Variants in SCRG1 observed in about 807,000 individuals in gnomAD.
SCRG1 encodes stimulator of chondrogenesis 1, also known as scrapie-responsive protein 1.
In SCRG1, 3 loss-of-function variants were observed where a neutral mutation model predicts 7.7. The ratio of observed to expected loss-of-function variants is 0.39; its 90% CI spans 0.18 to 1.01. SCRG1 has a LOEUF of 1.01. SCRG1 is among the 50% of genes least tolerant of loss of function. The pLI, the probability that SCRG1 is intolerant of heterozygous loss-of-function variation, is 0.36. For synonymous variants in SCRG1, 46 were observed against 41.2 expected, an observed-to-expected ratio of 1.12 and a Z score of -0.44; for missense variants, 110 against 117.2, an observed-to-expected ratio of 0.94 and a Z score of 0.28.
At chr4:173,397,492 T>C (rs1297507981) in intron 1 of SCRG1, among the ~76,000 whole-genome samples, 1 of 152,228 alleles carries the variant, frequency 6.6e-6, no homozygotes, top group African/African-American at 2.4e-5. Flanking sequence ...TTAACATTGT[T>C]CCAAATGTTG....
At chr4:173,508,761 A>C in the SCRG1 span, among the ~76,000 whole-genome samples, 2 of 151,948 alleles carry the variant, frequency 1.3e-5, no homozygotes, top group African/African-American at 4.8e-5. The surrounding 1 kb of genome is among the most constrained non-coding windows in gnomAD (Gnocchi z 4.4). Context: ...ACTTGAAGGC[A>C]CTCTGCGGCC....
At chr4:173,482,049 C>A in the SCRG1 span, among the ~76,000 whole-genome samples, 1 of 151,958 alleles carries the variant, frequency 6.6e-6, no homozygotes, top group Non-Finnish European at 1.5e-5. Context: ...TTACTGTATA[C>A]ATTTGACTTA....
the SCRG1 span, among the ~76,000 whole-genome samples, chr4:173,436,207 G>T: frequency 6.6e-6 from 1 of 152,282 alleles, no homozygotes; most frequent in South Asian, 2.1e-4. Context: ...ATTTGATCAG[G>T]AAATCCACCA....
chr4:173,458,326 A>G, the SCRG1 span, among the ~76,000 whole-genome samples: 2 of 152,242 alleles, frequency 1.3e-5, no homozygotes, highest in African/African-American at 4.8e-5. Flanking sequence ...ACAGAAATAT[A>G]ATGCAAGTTA....
chr4:173,512,992 G>A, the SCRG1 span, among the ~76,000 whole-genome samples: 2 of 152,198 alleles, frequency 1.3e-5, no homozygotes, highest in Non-Finnish European at 2.9e-5. Flanking sequence ...TGATAAATGT[G>A]TATTTCCCAA....
the SCRG1 span, among the ~76,000 whole-genome samples, chr4:173,511,528 ATAAC>A: frequency 3.0e-4 from 45 of 152,188 alleles, no homozygotes; most frequent in Admixed American, 9.8e-4. This position sits in a 1 kb window ranked among gnomAD's most constrained non-coding sequence, Gnocchi z 5.2. Flanking sequence ...GTCCCTGGAA[ATAAC>A]TAACTAAGGA....
chr4:173,510,711 C>T, the SCRG1 span, among the ~76,000 whole-genome samples: 17 of 152,200 alleles, frequency 1.1e-4, no homozygotes, highest in African/African-American at 4.1e-4. The surrounding 1 kb of genome is among the most constrained non-coding windows in gnomAD (Gnocchi z 5.7). Flanking sequence ...TGACGTAGCG[C>T]GCCAAAACCA....
the SCRG1 span, among the ~76,000 whole-genome samples, chr4:173,466,282 T>C: frequency 6.6e-6 from 1 of 152,192 alleles, no homozygotes; most frequent in Non-Finnish European, 1.5e-5. Context: ...AATCATGATA[T>C]ATTTTCTTGC....
At chr4:173,483,933 T>G in the SCRG1 span, among the ~76,000 whole-genome samples, 4 of 95,844 alleles carry the variant, frequency 4.2e-5, no homozygotes, top group Non-Finnish European at 7.3e-5. Context: ...ATATTTCATA[T>G]ATAATATAAA....
chr4:173,417,500 C>T, the SCRG1 span, among the ~76,000 whole-genome samples: 1 of 152,206 alleles, frequency 6.6e-6, no homozygotes, highest in African/African-American at 2.4e-5. Context: ...CTAGCATTTA[C>T]TGATCCTTTA....
At chr4:173,405,482 T>C (rs1739876614) in intron 1 of SCRG1, among the ~76,000 whole-genome samples, 1 of 152,212 alleles carries the variant, frequency 6.6e-6, no homozygotes, top group Non-Finnish European at 1.5e-5. Context: ...GAAGTCCCTA[T>C]GCATGGTCCA....
At chr4:173,487,396 A>T in the SCRG1 span, among the ~76,000 whole-genome samples, 10 of 152,332 alleles carry the variant, frequency 6.6e-5, no homozygotes, top group South Asian at 2.1e-3. Flanking sequence ...TAATCTCAAC[A>T]CAGCTCTAAC....
the SCRG1 span, among the ~76,000 whole-genome samples, chr4:173,490,237 A>C: frequency 6.6e-6 from 1 of 152,214 alleles, no homozygotes; most frequent in South Asian, 2.1e-4. Flanking sequence ...TTTCTTTGAC[A>C]TTATGGCTTA....
At chr4:173,485,870 T>C in the SCRG1 span, among the ~76,000 whole-genome samples, 1 of 152,130 alleles carries the variant, frequency 6.6e-6, no homozygotes, top group Non-Finnish European at 1.5e-5. Context: ...CTCGCGAGGC[T>C]GAGGCATGAG....
At chr4:173,484,464 A>C in the SCRG1 span, among the ~76,000 whole-genome samples, 5 of 47,528 alleles carry the variant, frequency 1.1e-4, 1 homozygote, top group African/African-American at 3.6e-4. Flanking sequence ...TATTATATAC[A>C]TATAATATAT....
At chr4:173,409,291 C>T (rs1351513696), upstream of SCRG1, among the ~76,000 whole-genome samples, 1 of 152,128 alleles carries the variant, frequency 6.6e-6, no homozygotes, top group East Asian at 1.9e-4. Context: ...TCCCTCTTAA[C>T]ATTATAACAG....
the SCRG1 span, among the ~76,000 whole-genome samples, chr4:173,413,877 T>C: frequency 6.6e-6 from 1 of 152,170 alleles, no homozygotes; most frequent in Admixed American, 6.5e-5. Flanking sequence ...TTCTCCAATA[T>C]CTGGATGCTG....
Position 173,387,704 on chromosome 4 carries a change from C to A in SCRG1, c.*637G>T, listed in dbSNP as rs1739279974. 8.1e-6 allele frequency: 1 copy of A among 123,294 alleles called. No individual in the cohort carries two copies. The highest frequency in any genetic ancestry group is 3.1e-5 in the African/African-American group (1 of 32,662). The allele number at this position is 123,294 out of a possible 1,614,324, so 7.6% of individuals were successfully genotyped here. A position where few individuals can be genotyped will look rare whatever the true frequency, so the allele number is the denominator to read the frequency against. On this transcript the variant is annotated 3_prime_UTR_variant, in exon 3 of 3. Transcript: ENST00000296506. ...ATACCCTCAAATATTGTTCCCTTTT[C>A]CTTTTTTTTTTTTTTTTTTTTTTTT... is the stretch of plus-strand genomic sequence containing the variant.
At chr4:173,429,369 C>T in the SCRG1 span, among the ~76,000 whole-genome samples, 2 of 152,120 alleles carry the variant, frequency 1.3e-5, no homozygotes, top group Non-Finnish European at 2.9e-5. Flanking sequence ...ACCATAGCTT[C>T]AAACTTTCAA....
Sources: gnomAD v4.1 joint callset for allele counts (sites outside exome capture counted in the v4.1 genomes callset) on GRCh38, gnomAD v4.1.1 for gene constraint, Gnocchi (gnomAD v3.1) non-coding constraint, MANE v1.5 for transcripts, NCBI Gene and HGNC (gene_info 2026-07-23, HGNC 2026-07-21) for gene names.